The following GALNT13 variants were observed in gnomAD, a reference collection of about 807,000 sequenced individuals.
The protein encoded by GALNT13 is UDP-GalNAc:polypeptide N-acetylgalactosaminyltransferase 13.
Under a neutral mutation model 64.2 loss-of-function variants are expected in GALNT13, and 28 were observed. The observed-to-expected ratio is 0.44, with a 90% confidence interval of 0.32 to 0.60. GALNT13 has a LOEUF of 0.60. GALNT13 is among the 20% of genes least tolerant of loss of function. GALNT13 has a pLI of 0.05. For synonymous variants in GALNT13, 214 were observed against 224.6 expected, an observed-to-expected ratio of 0.95 and a Z score of 0.42; for missense variants, 577 against 669.8, an observed-to-expected ratio of 0.86 and a Z score of 1.53.
chr2:154,284,520 TACACACACAC>T (rs372990123), intron 8 of GALNT13, among the ~76,000 whole-genome samples: 1 of 145,752 alleles, frequency 6.9e-6, no homozygotes, highest in African/African-American at 2.5e-5. Context: ...TACATATAGC[TACACACACAC>T]ACACACACAC....
chr2:153,707,208 A>G, the GALNT13 span, among the ~76,000 whole-genome samples: 1 of 152,172 alleles, frequency 6.6e-6, no homozygotes, highest in African/African-American at 2.4e-5. Context: ...GTATGTTTTT[A>G]TCAGCAGCAT....
the GALNT13 span, chr2:153,478,624 G>T: frequency 1.5e-6 from 2 of 1,370,546 alleles, no homozygotes; most frequent in Non-Finnish European, 2.0e-6. Context: ...AGGCGGCGGC[G>T]CTGGAGGAAC....
the GALNT13 span, among the ~76,000 whole-genome samples, chr2:153,634,869 A>G: frequency 6.6e-6 from 1 of 151,572 alleles, no homozygotes; most frequent in African/African-American, 2.4e-5. Flanking sequence ...ACTGAGCACA[A>G]ATTACACACT....
the GALNT13 span, among the ~76,000 whole-genome samples, chr2:153,757,248 C>T: frequency 6.6e-6 from 1 of 152,084 alleles, no homozygotes; most frequent in South Asian, 2.1e-4. Context: ...TTCTTAGCTT[C>T]CACATACAAG....
At chr2:153,729,575 C>T in the GALNT13 span, among the ~76,000 whole-genome samples, 4 of 151,818 alleles carry the variant, frequency 2.6e-5, no homozygotes, top group Non-Finnish European at 4.4e-5. Flanking sequence ...TGTAAGGGTT[C>T]GAGTCAAAAT....
chr2:154,441,784 C>T (rs1265090899), intron 12 of GALNT13: 1 of 152,020 alleles, frequency 6.6e-6, no homozygotes, highest in African/African-American at 2.4e-5. Flanking sequence ...GGAATCTATC[C>T]AGCTACTTTG....
chr2:154,221,551 G>A (rs1473016726), intron 4 of GALNT13, among the ~76,000 whole-genome samples: 1 of 152,022 alleles, frequency 6.6e-6, no homozygotes, highest in Non-Finnish European at 1.5e-5. Flanking sequence ...CAGTGATCTT[G>A]AATTTGTAAT....
the GALNT13 span, among the ~76,000 whole-genome samples, chr2:153,126,350 T>C: frequency 8.2e-6 from 1 of 121,908 alleles, no homozygotes; most frequent in African/African-American, 3.0e-5. Flanking sequence ...ATATATATGA[T>C]ATTAAGGAAA....
intron 3 of GALNT13, among the ~76,000 whole-genome samples, chr2:154,022,059 G>A (rs932072076): frequency 2.6e-5 from 4 of 152,158 alleles, no homozygotes; most frequent in African/African-American, 9.7e-5. Context: ...AAGCCCACTT[G>A]ATCATGGTGA....
At chr2:153,844,331 T>C in the GALNT13 span, among the ~76,000 whole-genome samples, 1 of 152,170 alleles carries the variant, frequency 6.6e-6, no homozygotes, top group African/African-American at 2.4e-5. Context: ...GCTTGCACCC[T>C]CTGAAGCTGA....
At chr2:153,173,837 A>G in the GALNT13 span, among the ~76,000 whole-genome samples, 2 of 152,208 alleles carry the variant, frequency 1.3e-5, no homozygotes, top group Non-Finnish European at 2.9e-5. Context: ...ACGCAATATT[A>G]TTTATCCTGA....
intron 1 of GALNT13, among the ~76,000 whole-genome samples, chr2:153,894,632 G>C (rs1284720548): frequency 6.6e-6 from 1 of 152,040 alleles, no homozygotes; most frequent in Non-Finnish European, 1.5e-5. Flanking sequence ...TGAAGTTATA[G>C]ATTAATCAGT....
intron 11 of GALNT13, among the ~76,000 whole-genome samples, chr2:154,427,437 T>G (rs931817240): frequency 2.0e-5 from 3 of 152,218 alleles, no homozygotes; most frequent in African/African-American, 7.2e-5. Context: ...ATTAGCCTTT[T>G]GCTTGGCAAA....
chr2:153,580,264 T>C, the GALNT13 span, among the ~76,000 whole-genome samples: 2 of 152,100 alleles, frequency 1.3e-5, no homozygotes, highest in Non-Finnish European at 2.9e-5. Flanking sequence ...TACTTTATTC[T>C]GTAGAAAATT....
chr2:153,199,632 G>A, the GALNT13 span, among the ~76,000 whole-genome samples: 5 of 152,204 alleles, frequency 3.3e-5, no homozygotes, highest in Admixed American at 1.3e-4. Flanking sequence ...AACATTGAAA[G>A]TGATCACATT....
intron 12 of GALNT13, 40 bp from the exon 13 acceptor site, chr2:154,450,371 G>A: frequency 1.3e-6 from 2 of 1,501,410 alleles, no homozygotes; most frequent in Non-Finnish European, 1.8e-6. Context: ...CAAAGCTAAA[G>A]ACGAAATAAG....
chr2:153,490,062 G>T, the GALNT13 span, among the ~76,000 whole-genome samples: 1 of 151,910 alleles, frequency 6.6e-6, no homozygotes, highest in South Asian at 2.1e-4. Context: ...ATTCAGTGAT[G>T]CTGATCCAAA....
At chr2:153,600,085 T>C in the GALNT13 span, among the ~76,000 whole-genome samples, 1 of 152,096 alleles carries the variant, frequency 6.6e-6, no homozygotes, top group African/African-American at 2.4e-5. Flanking sequence ...CTAAAAAATA[T>C]ATTTACCTTT....
At chr2:153,304,815 T>C in the GALNT13 span, among the ~76,000 whole-genome samples, 1 of 152,172 alleles carries the variant, frequency 6.6e-6, no homozygotes, top group Admixed American at 6.5e-5. Context: ...GTTTTCCTCA[T>C]TTCCTCTCAT....
Sources: allele counts gnomAD v4.1 joint callset (sites outside exome capture counted in the v4.1 genomes callset), GRCh38; gene constraint gnomAD v4.1.1; transcripts MANE v1.5; gene names NCBI Gene and HGNC (gene_info 2026-07-23, HGNC 2026-07-21).